Variants in RPS6KA5 observed in about 807,000 individuals in gnomAD.
The protein encoded by RPS6KA5 is ribosomal protein S6 kinase A5.
A neutral mutation model predicts 85.5 loss-of-function variants in RPS6KA5; 27 were observed. That is an observed-to-expected ratio of 0.32 (90% CI 0.23 to 0.44). The LOEUF (loss-of-function observed/expected upper bound fraction) is 0.44. Ranked by LOEUF, RPS6KA5 falls within the 20% of genes least tolerant of loss-of-function variation. RPS6KA5 has a pLI of 1.00. For synonymous variants in RPS6KA5, 334 were observed against 348.2 expected, an observed-to-expected ratio of 0.96 and a Z score of 0.46; for missense variants, 811 against 980.9, an observed-to-expected ratio of 0.83 and a Z score of 2.31.
intron 1 of RPS6KA5, among the ~76,000 whole-genome samples, chr14:91,005,999 T>C (rs1337890916): frequency 2.0e-5 from 3 of 152,224 alleles, no homozygotes; most frequent in Non-Finnish European, 4.4e-5. Flanking sequence ...ACACTGTCTT[T>C]CTTCACACTC....
intron 3 of RPS6KA5, among the ~76,000 whole-genome samples, chr14:90,968,007 A>G (rs1007146519): frequency 1.3e-5 from 2 of 152,178 alleles, no homozygotes; most frequent in Non-Finnish European, 2.9e-5. Flanking sequence ...CCACAGACTT[A>G]GTGGCGTAAA....
chr14:90,964,942 A>C lies in RPS6KA5; in HGVS notation c.394+13364T>G, dbSNP rs1244490996. 3.4e-5 allele frequency among the ~76,000 whole-genome samples: 5 copies of C among 146,604 alleles called. 1 individual carries two copies. The highest frequency in any genetic ancestry group is 4.4e-4 in the South Asian group (2 of 4,578). The stretch of plus-strand genomic sequence containing the variant: ...AAAAAAAAAAAAAAAAAAACCAAAA[A>C]ACCAAAACAAACAAACAAACAAACA... On this transcript the variant is annotated intron_variant, in intron 3 of 16. Coordinates refer to ENST00000614987, the MANE Select transcript of RPS6KA5 (RefSeq NM_004755.4).
intron 2 of RPS6KA5, among the ~76,000 whole-genome samples, chr14:90,998,033 A>G (rs1286151): frequency 0.15 from 21,879 of 141,620 alleles, 1,852 homozygotes; most frequent in East Asian, 0.33. Context: ...AAAAAAAAGT[A>G]TGAAGTAGTG....
chr14:90,904,212 G>A (rs2035377206), intron 8 of RPS6KA5, among the ~76,000 whole-genome samples: 1 of 152,226 alleles, frequency 6.6e-6, no homozygotes, highest in African/African-American at 2.4e-5. Context: ...GCCTCCCGAA[G>A]TGCTTCAGAA....
intron 5 of RPS6KA5, among the ~76,000 whole-genome samples, chr14:90,935,937 TATC>T (rs1232530530): frequency 6.6e-6 from 1 of 152,170 alleles, no homozygotes; most frequent in Non-Finnish European, 1.5e-5. Context: ...ATTTTGAAGC[TATC>T]ATCACTTTAC....
chr14:90,943,561 C>T (rs1286116), intron 4 of RPS6KA5, among the ~76,000 whole-genome samples: 117,348 of 152,100 alleles, frequency 0.77, 45,445 homozygotes, highest in East Asian at 0.97. Context: ...TCAGAAGACT[C>T]TCCTGACTAA....
intron 1 of RPS6KA5, among the ~76,000 whole-genome samples, chr14:91,028,577 G>C (rs1314549934): frequency 6.6e-6 from 1 of 151,446 alleles, no homozygotes; most frequent in Non-Finnish European, 1.5e-5. Context: ...GGAGTGCAGA[G>C]GTGTGATCTC....
intron 3 of RPS6KA5, among the ~76,000 whole-genome samples, chr14:90,963,682 C>T (rs545452958): frequency 6.6e-6 from 1 of 152,320 alleles, no homozygotes; most frequent in African/African-American, 2.4e-5. Context: ...CGATACGACA[C>T]ACTTTACATA....
rs772352475 is a variant in RPS6KA5 at position 90,875,237 on chromosome 14, T to C, written c.1960A>G (p.Lys654Glu). The C allele has an allele frequency of 6.2e-6, 10 of 1,613,922 alleles. No individual in the cohort carries two copies. Among genetic ancestry groups the C allele is most frequent in the Non-Finnish European group, 3.4e-6 (4 of 1,179,862 alleles). ...GDFSFEGEAW[K>E]NVSQEAKDLI... ...TCTTTAGCCTCTTGGGATACATTCT[T>C]CCAGGCTTCTCCTTCAAAGGAGAAA... The change falls in exon 15 of 17, where the codon AAG becomes GAG. Residue 654 changes from lysine to glutamate, a missense_variant. By Grantham distance (56) the Lys-to-Glu change is moderately conservative (BLOSUM62 1). Coordinates refer to ENST00000614987, the MANE Select transcript of RPS6KA5 (RefSeq NM_004755.4).
intron 3 of RPS6KA5, among the ~76,000 whole-genome samples, chr14:90,965,741 C>G (rs2039031755): frequency 1.3e-5 from 2 of 152,028 alleles, no homozygotes; most frequent in Non-Finnish European, 2.9e-5. Context: ...AGAGAATAAT[C>G]AAAGTGACTG....
chr14:91,008,301 C>A (rs1024180533), intron 1 of RPS6KA5, among the ~76,000 whole-genome samples: 25 of 152,198 alleles, frequency 1.6e-4, no homozygotes, highest in Non-Finnish European at 2.6e-4. Flanking sequence ...AAATACATTT[C>A]ACAGTATATG....
intron 5 of RPS6KA5, among the ~76,000 whole-genome samples, chr14:90,937,077 AC>A (rs1419260266): frequency 1.3e-5 from 2 of 152,038 alleles, no homozygotes; most frequent in African/African-American, 2.4e-5. Flanking sequence ...GCTGAGGGGA[AC>A]CCTCAGGTAG....
rs141029135 is a variant in RPS6KA5, at chr14:90,941,277, C to T, written c.618+1801G>A. ...GCTTCTGTGGCACCGGGTGGGATTG[C>T]CAAGCCCCAGGCTTCTCTGTAGAGA... On this transcript the variant is annotated intron_variant, in intron 5 of 16. Coordinates refer to ENST00000614987, the MANE Select transcript of RPS6KA5 (RefSeq NM_004755.4). 6.0e-4 allele frequency among the ~76,000 whole-genome samples: 92 copies of T among 152,238 alleles called. No homozygotes were observed. The East Asian group carries it at 0.013, about 21-fold the overall frequency.
intron 7 of RPS6KA5, 81 bp from the exon 8 acceptor site, chr14:90,906,380 T>C: frequency 8.9e-7 from 1 of 1,120,074 alleles, no homozygotes; most frequent in Middle Eastern, 2.5e-4. Flanking sequence ...ACTTTGAAAC[T>C]GAACCACATG....
intron 14 of RPS6KA5, among the ~76,000 whole-genome samples, chr14:90,881,263 C>T (rs1158865942): frequency 1.3e-5 from 2 of 151,374 alleles, no homozygotes; most frequent in African/African-American, 2.4e-5. Flanking sequence ...CCAGTGTGGC[C>T]AATATGGCGA....
chr14:90,969,065 G>C (rs573672315), intron 3 of RPS6KA5, among the ~76,000 whole-genome samples: 1 of 152,166 alleles, frequency 6.6e-6, no homozygotes, highest in Non-Finnish European at 1.5e-5. Flanking sequence ...CCGTGTGTGT[G>C]TATGTGTGTT....
At chr14:91,029,626 C>CA (rs1399154068) in intron 1 of RPS6KA5, among the ~76,000 whole-genome samples, 1 of 152,158 alleles carries the variant, frequency 6.6e-6, no homozygotes, top group Admixed American at 6.5e-5. Flanking sequence ...GTACCCTCAT[C>CA]TGTAAAATAA....
intron 3 of RPS6KA5, among the ~76,000 whole-genome samples, chr14:90,963,993 T>C (rs2038936347): frequency 6.6e-6 from 1 of 152,154 alleles, no homozygotes; most frequent in African/African-American, 2.4e-5. Flanking sequence ...ATATATCCTC[T>C]TCAAGTAAAT....
intron 7 of RPS6KA5, among the ~76,000 whole-genome samples, chr14:90,907,768 A>C (rs1182323055): frequency 6.6e-6 from 1 of 152,166 alleles, no homozygotes; most frequent in African/African-American, 2.4e-5. Flanking sequence ...CCCATTGCTC[A>C]CTGCTTGTCT....
Sources: gnomAD v4.1 joint callset for allele counts (sites outside exome capture counted in the v4.1 genomes callset) on GRCh38, gnomAD v4.1.1 for gene constraint, MANE v1.5 for transcripts, NCBI Gene and HGNC (gene_info 2026-07-23, HGNC 2026-07-21) for gene names.